RPS6KA2: variants seen among roughly 807,000 people sequenced by gnomAD.
The protein encoded by RPS6KA2 is ribosomal protein S6 kinase A2.
In RPS6KA2, 42 loss-of-function variants were observed where a neutral mutation model predicts 91.8. That is an observed-to-expected ratio of 0.46 (90% CI 0.36 to 0.59). The LOEUF (loss-of-function observed/expected upper bound fraction) is 0.59. Ranked by LOEUF, RPS6KA2 falls within the 20% of genes least tolerant of loss-of-function variation. The pLI is 0.00. For synonymous variants in RPS6KA2, 414 were observed against 393.6 expected (o/e 1.05, Z -0.61); for missense variants, 798 against 978.5 (o/e 0.82, Z 2.46).
In RPS6KA2 at chr6:166,512,805, C is replaced by T. The variant is rs543941861; in HGVS notation, c.299-2448G>A. Among the ~76,000 whole-genome samples, 26 of 152,326 alleles carry T rather than the reference C, an allele frequency of 1.7e-4. No individual in the cohort carries two copies. In the East Asian group the frequency reaches 3.1e-3, roughly 18 times the overall value. ...CAGTGATGTGTGTGCCACAACAACA[C>T]GGGGCCCGCCCACACTGTGCCGCTT... On this transcript the variant is annotated intron_variant, in intron 3 of 20. Coordinates refer to ENST00000265678, the MANE Select transcript of RPS6KA2 (RefSeq NM_021135.6).
intron 2 of RPS6KA2, among the ~76,000 whole-genome samples, chr6:166,647,658 T>C (rs1787650875): frequency 6.6e-6 from 1 of 152,196 alleles, no homozygotes; most frequent in Non-Finnish European, 1.5e-5. Flanking sequence ...ATTTGAAAAA[T>C]AGCCCCACCA....
At chr6:166,438,017 C>A (rs1422377918) in intron 14 of RPS6KA2, among the ~76,000 whole-genome samples, 1 of 152,200 alleles carries the variant, frequency 6.6e-6, no homozygotes, top group Non-Finnish European at 1.5e-5. Flanking sequence ...CACAGGCTTG[C>A]AGAACACTCC....
chr6:166,662,347 C>T lies in RPS6KA2; in HGVS notation c.124-123563G>A, dbSNP rs925977686. Among the ~76,000 whole-genome samples, 27 of 152,206 alleles carry T rather than the reference C, an allele frequency of 1.8e-4. No individual in the cohort carries two copies. Among genetic ancestry groups the T allele is most frequent in the South Asian group, 1.0e-3 (5 of 4,826 alleles). On this transcript the variant is annotated intron_variant, in intron 2 of 21. Transcript: ENST00000503859. The surrounding 1 kb of genome is among the most constrained non-coding windows in gnomAD (Gnocchi z 4.3). ...TAGCTATCCATTGGCAGGCAAAGGA[C>T]GTATTTGATGCAGGGGTGGTAAGAG...
At chr6:166,719,560 G>C (rs1056957652) in intron 2 of RPS6KA2, among the ~76,000 whole-genome samples, 6 of 152,170 alleles carry the variant, frequency 3.9e-5, no homozygotes, top group African/African-American at 1.4e-4. Context: ...ATGTATCTAT[G>C]AAAATACATC....
chr6:166,439,439 T>G (rs1391639030), intron 14 of RPS6KA2, among the ~76,000 whole-genome samples: 1 of 152,224 alleles, frequency 6.6e-6, no homozygotes, highest in Non-Finnish European at 1.5e-5. Flanking sequence ...CACTTAGCCT[T>G]TCACTACCAA....
chr6:166,858,229 C>T, exon 2 of RPS6KA2: 1 of 1,538,330 alleles, frequency 6.5e-7, no homozygotes, highest in South Asian at 1.1e-5. Context: ...GTGGTGGGCT[C>T]CACATCCAGG....
rs1790329375 is a variant in RPS6KA2, at chr6:166,726,065, T to A, written c.123+132135A>T. Among the ~76,000 whole-genome samples, 1 of 152,144 alleles carries A rather than the reference T, an allele frequency of 6.6e-6. No homozygotes were observed. Among genetic ancestry groups the A allele is most frequent in the African/African-American group, 2.4e-5 (1 of 41,432 alleles). The stretch of plus-strand genomic sequence containing the variant: ...TGTAAGAATGTGCTGTGAACCTTTA[T>A]GATTCTGTGAAAACACGTGGCTTTT... On this transcript the variant is annotated intron_variant, in intron 2 of 21. Transcript: ENST00000503859. This position sits in a 1 kb window ranked among gnomAD's most constrained non-coding sequence, Gnocchi z 4.4.
chr6:166,770,020 C>T lies in RPS6KA2; in HGVS notation c.123+88180G>A, dbSNP rs1478525970. On this transcript the variant is annotated intron_variant, in intron 2 of 21. Coordinates refer to the RPS6KA2 transcript ENST00000503859. This position sits in a 1 kb window ranked among gnomAD's most constrained non-coding sequence, Gnocchi z 5.1. ...TCAAATGAACTACAGCGCAGTTTAA[C>T]GTATCAATGTAGATGAACATAAGCT... is the stretch of plus-strand genomic sequence containing the variant. 4.6e-5 allele frequency among the ~76,000 whole-genome samples: 7 copies of T among 152,200 alleles called. No homozygotes were observed. The highest frequency in any genetic ancestry group is 1.9e-4 in the East Asian group (1 of 5,190).
chr6:166,507,390 C>T, intron 5 of RPS6KA2, among the ~76,000 whole-genome samples: 1 of 146,514 alleles, frequency 6.8e-6, no homozygotes, highest in African/African-American at 2.5e-5. Flanking sequence ...ACACACACAC[C>T]CACCCCACAT....
intron 2 of RPS6KA2, among the ~76,000 whole-genome samples, chr6:166,658,788 G>T (rs750972282): frequency 2.0e-5 from 3 of 152,164 alleles, no homozygotes; most frequent in Non-Finnish European, 2.9e-5. Context: ...ATTTAAGTCC[G>T]AGAAACTTAA....
intron 1 of RPS6KA2, among the ~76,000 whole-genome samples, chr6:166,585,174 A>G (rs4710072): frequency 0.16 from 23,659 of 152,258 alleles, 1,898 homozygotes; most frequent in South Asian, 0.21. Context: ...CCTGAAATAC[A>G]TGAAAAAAGA....
At chr6:166,641,752 A>AAAAAAAAAAAAAT (rs1474967486) in intron 2 of RPS6KA2, among the ~76,000 whole-genome samples, 1 of 141,440 alleles carries the variant, frequency 7.1e-6, no homozygotes, top group Non-Finnish European at 1.5e-5. Flanking sequence ...AAAAAAAAAA[A>AAAAAAAAAAAAAT]AAAAAAAAAA....
intron 10 of RPS6KA2, among the ~76,000 whole-genome samples, chr6:166,478,474 G>A (rs1223592122): frequency 1.3e-5 from 2 of 152,150 alleles, no homozygotes; most frequent in Non-Finnish European, 2.9e-5. Flanking sequence ...TGAGCTTCGG[G>A]ACTCTGGCAT....
chr6:166,463,716 A>G (rs538452234), intron 11 of RPS6KA2, among the ~76,000 whole-genome samples: 18 of 152,368 alleles, frequency 1.2e-4, no homozygotes, highest in African/African-American at 3.8e-4. Context: ...TTTTGGCTTC[A>G]GGCATTTTGG....
In RPS6KA2 at chr6:166,550,956, A is replaced by G. The variant is rs961904272; in HGVS notation, c.100-12172T>C. Among the ~76,000 whole-genome samples the G allele has an allele frequency of 2.8e-5, 4 of 141,434 alleles. No individual in the cohort carries two copies. In the South Asian group the frequency reaches 7.2e-4, roughly 25 times the overall value. The allele number at this position is 141,434 out of a possible 152,430, so 92.8% of individuals were successfully genotyped here. On this transcript the variant is annotated intron_variant, in intron 1 of 20. Coordinates refer to ENST00000265678, the MANE Select transcript of RPS6KA2 (RefSeq NM_021135.6). ...GCGGAGGTTGCAGTGAGCCGAGATC[A>G]CGACACTCCAGCCTGGCAACAGAGC...
At chr6:166,469,326 G>A (rs76660158) in intron 11 of RPS6KA2, among the ~76,000 whole-genome samples, 3 of 137,782 alleles carry the variant, frequency 2.2e-5, no homozygotes, top group Non-Finnish European at 4.7e-5. Context: ...CGGCACTGTT[G>A]TTTTTTTTTT....
At chr6:166,501,509 C>T (rs533023229) in intron 6 of RPS6KA2, among the ~76,000 whole-genome samples, 10 of 152,224 alleles carry the variant, frequency 6.6e-5, no homozygotes, top group East Asian at 3.9e-4. Context: ...GGCACCCCTG[C>T]GGGCCACTGG....
At chr6:166,543,620 C>T (rs575379323) in intron 1 of RPS6KA2, among the ~76,000 whole-genome samples, 1 of 152,338 alleles carries the variant, frequency 6.6e-6, no homozygotes, top group African/African-American at 2.4e-5. Context: ...CTGTGTCTGC[C>T]AAGGTCACCT....
chr6:166,575,852 A>G (rs1784823265), intron 1 of RPS6KA2, among the ~76,000 whole-genome samples: 1 of 152,224 alleles, frequency 6.6e-6, no homozygotes, highest in African/African-American at 2.4e-5. Flanking sequence ...ATGAAAAAAA[A>G]ATTCCAAAGA....
Sources: gnomAD v4.1 joint callset for allele counts (sites outside exome capture counted in the v4.1 genomes callset) on GRCh38, gnomAD v4.1.1 for gene constraint, Gnocchi (gnomAD v3.1) non-coding constraint, MANE v1.5 for transcripts, NCBI Gene and HGNC (gene_info 2026-07-23, HGNC 2026-07-21) for gene names.